ATRNL1: variants seen among roughly 807,000 people sequenced by gnomAD.
ATRNL1 encodes the protein attractin like 1.
ATRNL1 carries 95 observed loss-of-function variants against 182.7 expected under a neutral mutation model. The observed-to-expected ratio is 0.52, with a 90% confidence interval of 0.44 to 0.62. ATRNL1 has a LOEUF of 0.62. Ranked by LOEUF, ATRNL1 falls within the 20% of genes least tolerant of loss-of-function variation. The probability of loss-of-function intolerance (pLI) is 0.00; values close to 1 mark genes in which losing one functional copy is unlikely to be tolerated. For synonymous variants in ATRNL1, 576 were observed against 568.3 expected (o/e 1.01, Z -0.19); for missense variants, 1,471 against 1,679.5 (o/e 0.88, Z 2.17).
At chr10:115,646,052 C>CACACAA (rs1238549363) in intron 26 of ATRNL1, among the ~76,000 whole-genome samples, 8 of 151,716 alleles carry the variant, frequency 5.3e-5, no homozygotes, top group Non-Finnish European at 1.0e-4. Context: ...CACACACACA[C>CACACAA]ACACACACAC....
intron 26 of ATRNL1, among the ~76,000 whole-genome samples, chr10:115,595,032 G>A (rs1027328793): frequency 2.0e-5 from 3 of 152,078 alleles, no homozygotes; most frequent in African/African-American, 4.8e-5. Flanking sequence ...TTCACAGAAT[G>A]GACACTTCTG....
intron 27 of ATRNL1, among the ~76,000 whole-genome samples, chr10:115,736,191 A>C (rs1210674688): frequency 6.6e-6 from 1 of 152,020 alleles, no homozygotes; most frequent in Non-Finnish European, 1.5e-5. Context: ...ACAATCTCTT[A>C]GTCTTTCTGT....
At chr10:115,123,008 A>C (rs1844811544) in intron 3 of ATRNL1, among the ~76,000 whole-genome samples, 1 of 152,110 alleles carries the variant, frequency 6.6e-6, no homozygotes. Context: ...CATCATTTAG[A>C]TGTGTGCCTG....
intron 19 of ATRNL1, among the ~76,000 whole-genome samples, chr10:115,342,587 T>G (rs941347206): frequency 2.6e-5 from 4 of 152,176 alleles, no homozygotes; most frequent in African/African-American, 9.6e-5. Flanking sequence ...AGTGGTTCAT[T>G]GTTTAGTCTT....
At chr10:115,137,572 CA>C (rs1564765745) in intron 5 of ATRNL1, among the ~76,000 whole-genome samples, 1 of 152,218 alleles carries the variant, frequency 6.6e-6, no homozygotes, top group Non-Finnish European at 1.5e-5. Context: ...CACATGGCAG[CA>C]GACAAGATAA....
chr10:115,853,943 T>A (rs1951116171), intron 28 of ATRNL1, among the ~76,000 whole-genome samples: 1 of 152,208 alleles, frequency 6.6e-6, no homozygotes, highest in South Asian at 2.1e-4. Flanking sequence ...TTTTACCTTG[T>A]ATCCAAAATA....
chr10:115,922,589 CCAAAGTG>C (rs1218772391), intron 28 of ATRNL1, among the ~76,000 whole-genome samples: 3 of 152,046 alleles, frequency 2.0e-5, no homozygotes, highest in Non-Finnish European at 4.4e-5. Flanking sequence ...CCTTGGACTC[CCAAAGTG>C]TTGGGATTAC....
chr10:115,426,160 G>A, intron 20 of ATRNL1, 90 bp from the exon 21 acceptor site: 2 of 935,608 alleles, frequency 2.1e-6, no homozygotes, highest in Non-Finnish European at 3.3e-6. Context: ...ATGTTTTGAT[G>A]TAGAATATAA....
chr10:115,431,279 C>T (rs1846148963), intron 21 of ATRNL1, among the ~76,000 whole-genome samples: 1 of 151,892 alleles, frequency 6.6e-6, no homozygotes, highest in Non-Finnish European at 1.5e-5. Context: ...GTGGTGTGCG[C>T]CTGTAATCCC....
At chr10:115,359,722 T>C (rs1251347215) in intron 19 of ATRNL1, among the ~76,000 whole-genome samples, 1 of 151,600 alleles carries the variant, frequency 6.6e-6, no homozygotes, top group Non-Finnish European at 1.5e-5. Context: ...TTTATGTAAC[T>C]CTCTTCAGTT....
chr10:115,469,070 A>G (rs1464229411), intron 23 of ATRNL1, 102 bp from the exon 24 acceptor site: 1 of 405,086 alleles, frequency 2.5e-6, no homozygotes, highest in Non-Finnish European at 4.2e-6. Flanking sequence ...GTATATTTTG[A>G]TAATTATTTT....
intron 13 of ATRNL1, 125 bp downstream of exon 13, chr10:115,268,569 T>C (rs1487772756): frequency 7.9e-6 from 5 of 630,048 alleles, no homozygotes; most frequent in African/African-American, 7.3e-5. Flanking sequence ...AGAAAGTATA[T>C]AGGGAATCAT....
chr10:115,535,880 C>T (rs1554990068), intron 25 of ATRNL1, among the ~76,000 whole-genome samples: 1 of 151,898 alleles, frequency 6.6e-6, no homozygotes, highest in Admixed American at 6.6e-5. Flanking sequence ...CCACTCCAGA[C>T]CCTGTTTGCC....
At chr10:115,219,370 G>A (rs1849356903) in intron 9 of ATRNL1, among the ~76,000 whole-genome samples, 1 of 151,986 alleles carries the variant, frequency 6.6e-6, no homozygotes. Flanking sequence ...GCTAAATATT[G>A]TTAAGTTCAG....
chr10:115,493,476 T>C (rs551839699), intron 24 of ATRNL1, among the ~76,000 whole-genome samples: 1 of 152,344 alleles, frequency 6.6e-6, no homozygotes, highest in East Asian at 1.9e-4. Context: ...TAGTATTCTA[T>C]AGTGTATACG....
At chr10:115,262,060 A>G (rs1851414813) in intron 10 of ATRNL1, among the ~76,000 whole-genome samples, 1 of 152,084 alleles carries the variant, frequency 6.6e-6, no homozygotes, top group South Asian at 2.1e-4. Context: ...TTTAGAACAG[A>G]TGAAAATACA....
intron 19 of ATRNL1, among the ~76,000 whole-genome samples, chr10:115,350,624 A>G (rs1333420044): frequency 6.6e-6 from 1 of 151,540 alleles, no homozygotes; most frequent in Non-Finnish European, 1.5e-5. Context: ...ATTCTATTGG[A>G]CTATTTGTCT....
intron 1 of ATRNL1, among the ~76,000 whole-genome samples, chr10:115,109,547 G>A (rs1483492818): frequency 6.6e-6 from 1 of 152,082 alleles, no homozygotes; most frequent in African/African-American, 2.4e-5. Flanking sequence ...TGCTCTCATG[G>A]CCTAATCATC....
intron 8 of ATRNL1, among the ~76,000 whole-genome samples, chr10:115,201,619 T>C (rs1177092718): frequency 6.6e-6 from 1 of 152,142 alleles, no homozygotes; most frequent in East Asian, 1.9e-4. Context: ...TACCATGCTG[T>C]TTTGGTTACT....
Sources: allele counts gnomAD v4.1 joint callset (sites outside exome capture counted in the v4.1 genomes callset), GRCh38; gene constraint gnomAD v4.1.1; transcripts MANE v1.5; gene names NCBI Gene and HGNC (gene_info 2026-07-23, HGNC 2026-07-21).